Variants in CTSB observed in about 807,000 individuals in gnomAD.
CTSB encodes APP secretase.
A neutral mutation model predicts 44.3 loss-of-function variants in CTSB; 57 were observed. The ratio of observed to expected loss-of-function variants is 1.29; its 90% CI spans 1.04 to 1.60. CTSB has a LOEUF of 1.60. Ranked by LOEUF, CTSB falls within the 40% of genes most tolerant of loss-of-function variation. CTSB has a pLI of 0.00. For missense variants in CTSB, 768 were observed against 443.0 expected, an observed-to-expected ratio of 1.73 and a Z score of -6.59; for synonymous variants, 320 against 168.0, an observed-to-expected ratio of 1.91 and a Z score of -7.00.
At position 11,848,056 on chromosome 8, in the gene CTSB, G is replaced by T. The variant is rs377686658; in HGVS notation, c.532+11C>A. The T allele has an allele frequency of 1.2e-6, 2 of 1,601,358 alleles. No homozygotes were observed. Among genetic ancestry groups the T allele is most frequent in the Non-Finnish European group, 1.7e-6 (2 of 1,170,850 alleles). On this transcript the variant is annotated intron_variant, in intron 6 of 9. Coordinates refer to ENST00000353047, the MANE Select transcript of CTSB (RefSeq NM_001908.5). The stretch of plus-strand genomic sequence containing the variant: ...CATCTGGCCAGAAAGTGGCCAAGGG[G>T]ACACACTTACCTACATGGGATTCAT...
intron 9 of CTSB, 46 bp downstream of exon 9, chr8:11,845,615 T>A: frequency 1.3e-6 from 2 of 1,595,852 alleles, no homozygotes; most frequent in Non-Finnish European, 1.7e-6. Flanking sequence ...CCACGGGGTG[T>A]GGCTCACAAT....
At chr8:11,867,562 G>A (rs1817341243) in intron 1 of CTSB, 1 of 152,258 alleles carries the variant, frequency 6.6e-6, no homozygotes, top group African/African-American at 2.4e-5. Context: ...GAAAATAGAT[G>A]CCGGCAGATG....
intron 1 of CTSB, chr8:11,867,684 G>C (rs958032875): frequency 6.6e-6 from 1 of 152,268 alleles, no homozygotes; most frequent in African/African-American, 2.4e-5. Context: ...CGCCTCCCTC[G>C]GCGGTCCTGG....
intron 1 of CTSB, 132 bp downstream of exon 1, chr8:11,867,868 CG>C (rs1286020720): frequency 6.6e-6 from 1 of 152,114 alleles, no homozygotes; most frequent in Admixed American, 6.5e-5. Flanking sequence ...GGCTCCCCGC[CG>C]GCCCCCAGGG....
rs1814491658 is a variant in CTSB at position 11,850,979 on chromosome 8, C to G, written c.214G>C (p.Val72Leu). Reference sequence around the variant, plus strand: ...AGCTTCAGGTCCTCGGTAAACATAACTCTGGATAAAGGAAGGTCTTCATTA... The same window carrying G: ...AGCTTCAGGTCCTCGGTAAACATAAGTCTGGATAAAGGAAGGTCTTCATTA... ...FLGGPKPPQR[V>L]MFTEDLKLPA... Residue 72 changes from valine to leucine, a missense_variant and splice_region_variant, in exon 4 of 10, where the codon GTT (valine) becomes CTT (leucine). Transcript: ENST00000353047. 6 of 1,610,020 alleles carry G rather than the reference C, an allele frequency of 3.7e-6. No homozygotes were observed. In the East Asian group the frequency reaches 1.3e-4, roughly 36 times the overall value.
chr8:11,860,873 G>A (rs993642499), intron 1 of CTSB, among the ~76,000 whole-genome samples: 1 of 152,268 alleles, frequency 6.6e-6, no homozygotes, highest in South Asian at 2.1e-4. Flanking sequence ...GACCACTTAA[G>A]TGCAACCACA....
rs1392233342 is a variant in CTSB, at chr8:11,845,895, C to T, written c.794-106G>A. The T allele has an allele frequency of 7.4e-6, 10 of 1,352,664 alleles. No individual in the cohort carries two copies. In the South Asian group the frequency reaches 1.5e-4, roughly 20 times the overall value. The allele number at this position is 1,352,664 out of a possible 1,614,324, so 83.8% of individuals were successfully genotyped here. Reference sequence around the variant, plus strand: ...TGCTCCGGGAAGGAGAAACAGCTTCCAGAGGGAACCTGCTGCTCCACCAGG... The same window carrying T: ...TGCTCCGGGAAGGAGAAACAGCTTCTAGAGGGAACCTGCTGCTCCACCAGG... On this transcript the variant is annotated intron_variant, in intron 8 of 9. Coordinates refer to ENST00000353047, the MANE Select transcript of CTSB (RefSeq NM_001908.5).
chr8:11,860,219 G>A (rs979813157), intron 1 of CTSB, among the ~76,000 whole-genome samples: 3 of 152,216 alleles, frequency 2.0e-5, no homozygotes, highest in Non-Finnish European at 4.4e-5. Flanking sequence ...CTGGCTGATA[G>A]ACAAAAAAAG....
intron 1 of CTSB, chr8:11,864,539 G>T (rs1586206821): frequency 1.3e-5 from 2 of 152,088 alleles, no homozygotes; most frequent in East Asian, 3.8e-4. Context: ...ATGTGCAGAA[G>T]AATCCAAAAG....
chr8:11,846,331 T>C (rs1813332715), intron 8 of CTSB: 1 of 152,124 alleles, frequency 6.6e-6, no homozygotes, highest in African/African-American at 2.4e-5. Context: ...ATGCATCTTT[T>C]AATAATAAGG....
Position 11,845,204 on chromosome 8 carries a change from C to G in CTSB, c.941G>C (p.Arg314Thr), listed in dbSNP as rs761763334. Residue 314 changes from arginine to threonine, a missense_variant, in exon 10 of 10, where the codon AGA becomes ACA. Coordinates refer to ENST00000353047, the MANE Select transcript of CTSB (RefSeq NM_001908.5). ...WGDNGFFKIL[R>T]GQDHCGIESE... ...TTCGATTCCACAGTGATCCTGTCCT[C>G]TGAGTATTTTAAAGAAGCCTGGGAA... The G allele has an allele frequency of 1.2e-6, 2 of 1,613,442 alleles. No individual in the cohort carries two copies. The highest frequency in any genetic ancestry group is 1.3e-5 in the African/African-American group (1 of 74,912).
At chr8:11,851,507 C>T (rs1005506490) in intron 3 of CTSB, among the ~76,000 whole-genome samples, 2 of 151,444 alleles carry the variant, frequency 1.3e-5, no homozygotes, top group African/African-American at 2.4e-5. Flanking sequence ...CGATATTGTA[C>T]GCTTCTTTCT....
intron 1 of CTSB, among the ~76,000 whole-genome samples, chr8:11,854,243 G>A (rs559729481): frequency 1.5e-4 from 23 of 152,236 alleles, no homozygotes; most frequent in Admixed American, 2.6e-4. Flanking sequence ...GCCGCGGCGC[G>A]GGGAGCTGGG....
intron 6 of CTSB, 105 bp from the exon 7 acceptor site, chr8:11,847,927 C>G (rs1813748551): frequency 1.4e-6 from 2 of 1,426,766 alleles, no homozygotes; most frequent in Non-Finnish European, 1.9e-6. Context: ...GCAGGTCCTG[C>G]CAGAGGCCTG....
At chr8:11,861,824 C>T (rs550091419) in intron 1 of CTSB, among the ~76,000 whole-genome samples, 3 of 152,302 alleles carry the variant, frequency 2.0e-5, no homozygotes, top group South Asian at 4.1e-4. Context: ...TCTGCCTCTC[C>T]AGCTTGCAGA....
At chr8:11,849,345 T>C (rs1267343046) in intron 4 of CTSB, 181 bp from the exon 5 acceptor site, 5 of 499,542 alleles carry the variant, frequency 1.0e-5, no homozygotes, top group East Asian at 3.6e-5. Flanking sequence ...GGGGTCTTGC[T>C]ACGTTGGCCA....
chr8:11,845,218 G>T lies in CTSB; in HGVS notation c.927C>A (p.Phe309Leu). The T allele has an allele frequency of 6.2e-7, 1 of 1,611,318 alleles. No individual in the cohort carries two copies. Among genetic ancestry groups the T allele is most frequent in the Non-Finnish European group, 8.5e-7 (1 of 1,177,560 alleles). ...GATCCTGTCCTCTGAGTATTTTAAA[G>T]AAGCCTGGGAATAAAAAGTAAGGTG... ...SWNTDWGDNG[F>L]FKILRGQDHC... Residue 309 changes from phenylalanine (F) to leucine (L), a missense_variant, in exon 10 of 10, where the codon TTC becomes TTA. Coordinates refer to ENST00000353047, the MANE Select transcript of CTSB (RefSeq NM_001908.5).
intron 3 of CTSB, among the ~76,000 whole-genome samples, 176 bp downstream of exon 3, chr8:11,852,434 A>C (rs943504428): frequency 6.6e-6 from 1 of 152,192 alleles, no homozygotes; most frequent in African/African-American, 2.4e-5. Flanking sequence ...ATAAAATAAA[A>C]AGAGAAAGTA....
At chr8:11,851,107 G>A (rs905826197) in intron 3 of CTSB, 127 bp from the exon 4 acceptor site, 2 of 553,002 alleles carry the variant, frequency 3.6e-6, no homozygotes, top group South Asian at 4.9e-5. Context: ...GCCGAAGAAG[G>A]CTGCAGACAG....
Sources: allele counts gnomAD v4.1 joint callset (sites outside exome capture counted in the v4.1 genomes callset), GRCh38; gene constraint gnomAD v4.1.1; transcripts MANE v1.5; gene names NCBI Gene and HGNC (gene_info 2026-07-23, HGNC 2026-07-21).